DNAH3: variants seen among roughly 807,000 people sequenced by gnomAD.
DNAH3 encodes axonemal beta dynein heavy chain 3.
DNAH3 carries 332 observed loss-of-function variants against 432.5 expected under a neutral mutation model. The ratio of observed to expected loss-of-function variants is 0.77; its 90% CI spans 0.70 to 0.84. The LOEUF (loss-of-function observed/expected upper bound fraction) is 0.84. DNAH3 is among the 40% of genes least tolerant of loss of function. The probability of loss-of-function intolerance (pLI) is 0.00; values close to 1 mark genes in which losing one functional copy is unlikely to be tolerated. For missense variants in DNAH3, 4,861 were observed against 5,114.0 expected, an observed-to-expected ratio of 0.95 and a Z score of 1.51; for synonymous variants, 1,956 against 1,900.2, an observed-to-expected ratio of 1.03 and a Z score of -0.76.
intron 38 of DNAH3, among the ~76,000 whole-genome samples, chr16:21,025,034 C>T (rs1201756011): frequency 6.6e-6 from 1 of 152,154 alleles, no homozygotes; most frequent in Non-Finnish European, 1.5e-5. Context: ...AAGTGATTCT[C>T]ATTTCTCAGC....
chr16:21,134,834 C>T (rs9936297), intron 6 of DNAH3, among the ~76,000 whole-genome samples: 37,338 of 151,966 alleles, frequency 0.25, 4,690 homozygotes, highest in East Asian at 0.31. Flanking sequence ...TTACAGGTGG[C>T]TGCCACCACA....
intron 1 of DNAH3, among the ~76,000 whole-genome samples, chr16:21,155,621 CAAA>C (rs369001374): frequency 2.5e-4 from 19 of 76,752 alleles, no homozygotes; most frequent in Non-Finnish European, 3.1e-4. Flanking sequence ...GACTCCGTCT[CAAA>C]AAAAAAAAAA....
chr16:21,125,483 C>G, intron 8 of DNAH3, 113 bp from the exon 10 acceptor site: 4 of 777,612 alleles, frequency 5.1e-6, no homozygotes, highest in Non-Finnish European at 5.7e-6. Flanking sequence ...TCCCACCAAG[C>G]AGCCTTGCAA....
intron 52 of DNAH3, among the ~76,000 whole-genome samples, chr16:20,968,156 CCTCCCAGGCTCAAG>C (rs1220723630): frequency 2.0e-5 from 3 of 152,196 alleles, no homozygotes; most frequent in Non-Finnish European, 2.9e-5. Context: ...GCAGCCTCAA[CCTCCCAGGCTCAAG>C]CGTTCCTCTC....
At chr16:21,085,204 C>A (rs372269816) in intron 19 of DNAH3, among the ~76,000 whole-genome samples, 3 of 146,524 alleles carry the variant, frequency 2.0e-5, no homozygotes, top group Admixed American at 6.7e-5. Context: ...CATAGTAAGA[C>A]CCCCCCCATC....
At chr16:20,974,106 C>T (rs572496368) in intron 51 of DNAH3, among the ~76,000 whole-genome samples, 39 of 152,176 alleles carry the variant, frequency 2.6e-4, no homozygotes, top group Admixed American at 3.9e-4. Flanking sequence ...ACTGTAGCCT[C>T]GACCTCCTGG....
intron 15 of DNAH3, among the ~76,000 whole-genome samples, chr16:21,104,914 T>C (rs555950044): frequency 7.2e-5 from 11 of 152,318 alleles, no homozygotes; most frequent in Admixed American, 6.5e-4. Context: ...CTCTGCTTGA[T>C]TGCCTTCCTA....
chr16:21,146,209 A>G, intron 1 of DNAH3, 121 bp from the exon 3 acceptor site: 1 of 630,744 alleles, frequency 1.6e-6, no homozygotes, highest in East Asian at 2.8e-5. Context: ...TGGACCTAAA[A>G]CAAAACACTC....
intron 1 of DNAH3, among the ~76,000 whole-genome samples, chr16:21,154,766 A>C (rs1027276758): frequency 6.6e-6 from 1 of 152,202 alleles, no homozygotes; most frequent in Non-Finnish European, 1.5e-5. Context: ...CATGGCTTCA[A>C]CCGAAAACCT....
At chr16:20,934,230 T>C (rs1567482550) in intron 61 of DNAH3, among the ~76,000 whole-genome samples, 1 of 152,250 alleles carries the variant, frequency 6.6e-6, no homozygotes, top group Admixed American at 6.5e-5. Flanking sequence ...TTTCTAATTC[T>C]AAGTATATAT....
exon 53 of DNAH3, chr16:20,964,100 C>T: frequency 6.2e-7 from 1 of 1,614,206 alleles, no homozygotes; most frequent in South Asian, 1.1e-5. Flanking sequence ...GAGGACAGAA[C>T]TTTGATGGCG....
chr16:20,979,330 C>T, exon 50 of DNAH3: 1 of 1,613,854 alleles, frequency 6.2e-7, no homozygotes, highest in South Asian at 1.1e-5. Context: ...CAGTGCTCAC[C>T]TGAGAAGCTG....
rs61277332 is a variant in DNAH3 at position 21,092,698 on chromosome 16, CAAAAAAAAAAA to C, written c.2665+4646_2665+4656del. On this transcript the variant is annotated intron_variant, in intron 18 of 61. Coordinates refer to ENST00000261383, the Ensembl canonical transcript of DNAH3. ...GGCACAGTCTGGAAGAAAATATTTG[CAAAAAAAAAAA>C]AAAAAAAAAAAAAAAGATCTGATAA... Among the ~76,000 whole-genome samples the C allele has an allele frequency of 4.3e-4, 5 of 11,532 alleles. No individual in the cohort carries two copies. In the East Asian group the frequency reaches 9.3e-3, roughly 21 times the overall value. 7.6% of individuals were successfully genotyped at this position (11,532 alleles called of 152,430 possible).
In DNAH3 at chr16:21,027,408, T is replaced by C. The variant is rs139612316; in HGVS notation, c.5440-281A>G. On this transcript the variant is annotated intron_variant, in intron 37 of 61. Coordinates refer to ENST00000261383, the Ensembl canonical transcript of DNAH3. ...AAAAGTGCTCTGGAGAAAAATTTAGTAGAAGAGGGGGTTGCATCTACACAT... is the reference window on the plus strand; with the variant it reads ...AAAAGTGCTCTGGAGAAAAATTTAGCAGAAGAGGGGGTTGCATCTACACAT... Among the ~76,000 whole-genome samples, 22 of 152,290 alleles carry C rather than the reference T, an allele frequency of 1.4e-4. 1 individual carries two copies. The East Asian group carries it at 4.1e-3, about 28-fold the overall frequency.
chr16:20,936,982 T>A (rs2083614785), intron 59 of DNAH3, 129 bp from the exon 60 acceptor site: 1 of 723,138 alleles, frequency 1.4e-6, no homozygotes, highest in Admixed American at 2.9e-5. Context: ...AAAAATTAAA[T>A]CACCCGTTAC....
chr16:21,067,424 G>A lies in DNAH3; in HGVS notation c.3382-5C>T. 1 of 1,612,986 alleles carries A rather than the reference G, an allele frequency of 6.2e-7. No individual in the cohort carries two copies. ...CAGAATCCTGTTATCTTTCACCTGGGTTCCATCAAAAAAAGTGAGACTCAT... is the reference window on the plus strand; with the variant it reads ...CAGAATCCTGTTATCTTTCACCTGGATTCCATCAAAAAAAGTGAGACTCAT... On this transcript the variant is annotated splice_region_variant and splice_polypyrimidine_tract_variant and intron_variant, in intron 23 of 61. Coordinates refer to ENST00000261383, the Ensembl canonical transcript of DNAH3.
At chr16:21,058,616 AT>A (rs34864778) in intron 26 of DNAH3, among the ~76,000 whole-genome samples, 33,833 of 151,930 alleles carry the variant, frequency 0.22, 3,978 homozygotes, top group East Asian at 0.46. Flanking sequence ...ATGTATATAA[AT>A]TTTTTCATAA....
intron 16 of DNAH3, among the ~76,000 whole-genome samples, chr16:21,101,914 C>T (rs1216674464): frequency 1.3e-5 from 2 of 152,156 alleles, no homozygotes; most frequent in Non-Finnish European, 2.9e-5. Context: ...GGTGCAGAGC[C>T]GGAGGGTGGG....
In DNAH3 at chr16:20,988,069, G is replaced by A. The variant is rs2086295767; in HGVS notation, c.6602-4C>T. 1 of 1,613,808 alleles carries A rather than the reference G, an allele frequency of 6.2e-7. No individual in the cohort carries two copies. Among genetic ancestry groups the A allele is most frequent in the Non-Finnish European group, 8.5e-7 (1 of 1,180,008 alleles). On this transcript the variant is annotated splice_region_variant and splice_polypyrimidine_tract_variant and intron_variant, in intron 44 of 61. Transcript: ENST00000261383. ...TTCAGATGGCGAGTGAATCGTCCTGGGGAATACAACACACAAGTGAATCAT... is the reference window on the plus strand; with the variant it reads ...TTCAGATGGCGAGTGAATCGTCCTGAGGAATACAACACACAAGTGAATCAT...
Sources: gnomAD v4.1 joint callset for allele counts (sites outside exome capture counted in the v4.1 genomes callset) on GRCh38, gnomAD v4.1.1 for gene constraint, MANE v1.5 for transcripts, NCBI Gene and HGNC (gene_info 2026-07-23, HGNC 2026-07-21) for gene names.